The following SEMA3A variants were observed in gnomAD, a reference collection of about 807,000 sequenced individuals.
SEMA3A encodes semaphorin 3A, also known as semaphorin-3A.
SEMA3A carries 29 observed loss-of-function variants against 97.9 expected under a neutral mutation model. The ratio of observed to expected loss-of-function variants is 0.30; its 90% CI spans 0.22 to 0.40. SEMA3A has a LOEUF of 0.40. Among genes scored for constraint, SEMA3A ranks in the 10% least tolerant of loss-of-function variants. The pLI, the probability that SEMA3A is intolerant of heterozygous loss-of-function variation, is 1.00. For missense variants in SEMA3A, 763 were observed against 951.3 expected, an observed-to-expected ratio of 0.80 and a Z score of 2.60; for synonymous variants, 321 against 323.7, an observed-to-expected ratio of 0.99 and a Z score of 0.09.
intron 4 of SEMA3A, among the ~76,000 whole-genome samples, chr7:84,108,391 G>A (rs1270217120): frequency 6.6e-6 from 1 of 152,006 alleles, no homozygotes; most frequent in Non-Finnish European, 1.5e-5. Context: ...TGTGCTAGGA[G>A]CAGTGGAAGG....
intron 2 of SEMA3A, among the ~76,000 whole-genome samples, chr7:84,359,877 G>A (rs1802666946): frequency 6.6e-6 from 1 of 151,910 alleles, no homozygotes; most frequent in Non-Finnish European, 1.5e-5. Flanking sequence ...GAGGGTGTAT[G>A]TGTCGAGGAA....
At chr7:84,223,503 AACTT>A (rs1798925911) in intron 3 of SEMA3A, among the ~76,000 whole-genome samples, 1 of 151,862 alleles carries the variant, frequency 6.6e-6, no homozygotes, top group African/African-American at 2.4e-5. Context: ...GAAAATAACA[AACTT>A]ACTTGATGAG....
At chr7:84,285,327 T>C (rs1271714394) in intron 3 of SEMA3A, among the ~76,000 whole-genome samples, 2 of 152,118 alleles carry the variant, frequency 1.3e-5, no homozygotes, top group Non-Finnish European at 2.9e-5. Context: ...ACCAAAGGTT[T>C]TTCCAGGAAA....
At chr7:84,095,053 A>G (rs1794715622) in intron 4 of SEMA3A, among the ~76,000 whole-genome samples, 1 of 150,374 alleles carries the variant, frequency 6.7e-6, no homozygotes, top group South Asian at 2.1e-4. Flanking sequence ...ACACACACAA[A>G]ATATATACTG....
chr7:84,068,286 G>T (rs1307026571), intron 4 of SEMA3A, among the ~76,000 whole-genome samples: 1 of 146,036 alleles, frequency 6.8e-6, no homozygotes, highest in Non-Finnish European at 1.5e-5. Flanking sequence ...GGTGGGGTGA[G>T]GGGGGAGGGA....
intron 3 of SEMA3A, among the ~76,000 whole-genome samples, chr7:84,128,820 C>T (rs539296330): frequency 1.2e-4 from 18 of 152,136 alleles, no homozygotes; most frequent in South Asian, 1.0e-3. Context: ...TGGAAAATTC[C>T]GCACCTGACC....
chr7:84,465,826 T>G (rs536760666), intron 1 of SEMA3A, among the ~76,000 whole-genome samples: 12 of 152,182 alleles, frequency 7.9e-5, no homozygotes, highest in Non-Finnish European at 1.2e-4. Context: ...AACATTTCTT[T>G]GGAGGGTATT....
chr7:84,315,531 C>T (rs77459343), intron 2 of SEMA3A, among the ~76,000 whole-genome samples: 4,123 of 152,152 alleles, frequency 0.027, 193 homozygotes, highest in African/African-American at 0.094. Flanking sequence ...TAGTTTATCT[C>T]TTTCTAAACT....
At chr7:84,382,308 T>C (rs970467570) in intron 1 of SEMA3A, among the ~76,000 whole-genome samples, 5 of 151,848 alleles carry the variant, frequency 3.3e-5, no homozygotes, top group Non-Finnish European at 7.4e-5. Context: ...GGTTTCACCA[T>C]GTTGGCCAAG....
chr7:84,008,667 G>A (rs1790765242), intron 9 of SEMA3A, among the ~76,000 whole-genome samples: 1 of 151,886 alleles, frequency 6.6e-6, no homozygotes, highest in Non-Finnish European at 1.5e-5. Flanking sequence ...CAGACCAAAT[G>A]AACAACATGT....
intron 3 of SEMA3A, among the ~76,000 whole-genome samples, chr7:84,292,889 T>C (rs1275634913): frequency 1.3e-5 from 2 of 152,118 alleles, no homozygotes; most frequent in African/African-American, 2.4e-5. Context: ...CATATTGCCC[T>C]ATTCTCTGAA....
intron 1 of SEMA3A, among the ~76,000 whole-genome samples, chr7:84,465,428 T>A (rs1449639312): frequency 6.6e-6 from 1 of 152,202 alleles, no homozygotes; most frequent in Non-Finnish European, 1.5e-5. Context: ...AGATACAATG[T>A]TATGTAGATC....
intron 3 of SEMA3A, among the ~76,000 whole-genome samples, chr7:84,256,653 G>C (rs1799726102): frequency 6.6e-6 from 1 of 152,024 alleles, no homozygotes; most frequent in African/African-American, 2.4e-5. Context: ...GATGGAAAAT[G>C]CATACTGGCT....
intron 2 of SEMA3A, among the ~76,000 whole-genome samples, chr7:84,322,506 T>G (rs1801672732): frequency 6.6e-6 from 1 of 152,152 alleles, no homozygotes; most frequent in African/African-American, 2.4e-5. Context: ...TATGCTGTTC[T>G]CTGGTAGTAG....
chr7:84,327,659 C>CT (rs1781651486), intron 2 of SEMA3A, among the ~76,000 whole-genome samples: 3 of 151,848 alleles, frequency 2.0e-5, no homozygotes, highest in South Asian at 2.1e-4. Context: ...TTTTAACCAT[C>CT]TTTTTTTACA....
intron 13 of SEMA3A, among the ~76,000 whole-genome samples, chr7:83,983,692 C>A (rs1021938935): frequency 4.6e-5 from 7 of 152,032 alleles, no homozygotes; most frequent in Non-Finnish European, 1.0e-4. Flanking sequence ...TAATGAAGTG[C>A]AAAAATAATT....
At chr7:84,186,432 G>C (rs575468790) in intron 1 of SEMA3A, among the ~76,000 whole-genome samples, 21 of 152,216 alleles carry the variant, frequency 1.4e-4, no homozygotes, top group Admixed American at 1.4e-3. Flanking sequence ...TTTCATTTAA[G>C]CTAGTTCTTA....
chr7:84,221,809 A>G (rs894379822), intron 3 of SEMA3A, among the ~76,000 whole-genome samples: 5 of 152,050 alleles, frequency 3.3e-5, no homozygotes, highest in African/African-American at 1.2e-4. Flanking sequence ...CATAACAAAT[A>G]TAATAATCTA....
intron 1 of SEMA3A, among the ~76,000 whole-genome samples, chr7:84,405,805 A>C (rs1411935639): frequency 6.6e-6 from 1 of 152,218 alleles, no homozygotes; most frequent in Non-Finnish European, 1.5e-5. Context: ...ACTACTGGGT[A>C]CATAACAAAA....
Sources: gnomAD v4.1 joint callset for allele counts (sites outside exome capture counted in the v4.1 genomes callset) on GRCh38, gnomAD v4.1.1 for gene constraint, MANE v1.5 for transcripts, NCBI Gene and HGNC (gene_info 2026-07-23, HGNC 2026-07-21) for gene names.